SNX9: variants seen among roughly 807,000 people sequenced by gnomAD.
SNX9 encodes the protein sorting nexin 9, also known as sorting nexin-9.
A neutral mutation model predicts 89.4 loss-of-function variants in SNX9; 44 were observed. The ratio of observed to expected loss-of-function variants is 0.49; its 90% CI spans 0.39 to 0.63. SNX9 has a LOEUF of 0.63. SNX9 is among the 30% of genes least tolerant of loss of function. The probability of loss-of-function intolerance (pLI) is 0.00; values close to 1 mark genes in which losing one functional copy is unlikely to be tolerated. For missense variants in SNX9, 578 were observed against 736.1 expected (o/e 0.79, Z 2.49); for synonymous variants, 236 against 247.8 (o/e 0.95, Z 0.45).
At chr6:157,845,005 C>G (rs1781777550) in intron 1 of SNX9, among the ~76,000 whole-genome samples, 1 of 151,676 alleles carries the variant, frequency 6.6e-6, no homozygotes, top group Admixed American at 6.6e-5. Flanking sequence ...AAGATGGAGT[C>G]AATTAAGTTA....
At chr6:157,824,170 T>A (rs1304213028) in intron 1 of SNX9, among the ~76,000 whole-genome samples, 1 of 152,228 alleles carries the variant, frequency 6.6e-6, no homozygotes, top group Non-Finnish European at 1.5e-5. Context: ...GCTTCGTCAT[T>A]GGCTAGGAGC....
At chr6:157,887,730 T>G (rs1188152064) in intron 4 of SNX9, among the ~76,000 whole-genome samples, 1 of 152,222 alleles carries the variant, frequency 6.6e-6, no homozygotes, top group Non-Finnish European at 1.5e-5. Context: ...ATCTTTGTTG[T>G]CTGCTTTGCG....
intron 1 of SNX9, among the ~76,000 whole-genome samples, chr6:157,853,847 C>T (rs1781958831): frequency 2.6e-5 from 4 of 151,776 alleles, no homozygotes; most frequent in Admixed American, 1.3e-4. Flanking sequence ...CCATATGTGC[C>T]GGTCCCTATT....
At chr6:157,847,149 C>G (rs1305237353) in intron 1 of SNX9, among the ~76,000 whole-genome samples, 1 of 152,188 alleles carries the variant, frequency 6.6e-6, no homozygotes, top group Non-Finnish European at 1.5e-5. Flanking sequence ...GTCTCCCAAG[C>G]TAGAATGCAG....
chr6:157,920,605 C>T (rs574151358), intron 9 of SNX9, among the ~76,000 whole-genome samples: 6 of 152,312 alleles, frequency 3.9e-5, no homozygotes, highest in African/African-American at 1.4e-4. Context: ...AAACACTTCT[C>T]AGGTGGCCAT....
intron 9 of SNX9, among the ~76,000 whole-genome samples, chr6:157,918,011 T>C (rs1394515507): frequency 1.3e-5 from 2 of 152,272 alleles, no homozygotes; most frequent in Non-Finnish European, 2.9e-5. Flanking sequence ...CTTACATTTA[T>C]TGAGACTTAT....
intron 9 of SNX9, among the ~76,000 whole-genome samples, chr6:157,920,818 T>C (rs1783567974): frequency 6.6e-6 from 1 of 152,250 alleles, no homozygotes; most frequent in African/African-American, 2.4e-5. Flanking sequence ...TTTGTTATGC[T>C]ATTCTTGTCA....
intron 16 of SNX9, among the ~76,000 whole-genome samples, chr6:157,939,658 A>G (rs1783995343): frequency 6.6e-6 from 1 of 152,158 alleles, no homozygotes; most frequent in Non-Finnish European, 1.5e-5. Flanking sequence ...AGGATGAGGG[A>G]GGTGTCCAGA....
intron 4 of SNX9, among the ~76,000 whole-genome samples, chr6:157,893,642 CAAAT>C (rs955012841): frequency 7.4e-5 from 11 of 149,474 alleles, no homozygotes; most frequent in African/African-American, 1.7e-4. Context: ...GTATAAGACT[CAAAT>C]AAAGGGGAAG....
At chr6:157,865,730 C>CT (rs1236099815) in intron 1 of SNX9, among the ~76,000 whole-genome samples, 2 of 152,058 alleles carry the variant, frequency 1.3e-5, no homozygotes, top group Non-Finnish European at 2.9e-5. Flanking sequence ...AGCATTTTGG[C>CT]TTTTTTTTCT....
chr6:157,919,894 T>C (rs1384437628), intron 9 of SNX9, among the ~76,000 whole-genome samples: 17 of 144,512 alleles, frequency 1.2e-4, no homozygotes, highest in Non-Finnish European at 3.1e-5. Flanking sequence ...TTTTATTTGT[T>C]AAGTAACTTG....
At chr6:157,883,442 T>C (rs2115149760) in intron 4 of SNX9, among the ~76,000 whole-genome samples, 1 of 152,184 alleles carries the variant, frequency 6.6e-6, no homozygotes, top group East Asian at 1.9e-4. Context: ...TTGCTACATG[T>C]CAGCAGGGCT....
intron 4 of SNX9, among the ~76,000 whole-genome samples, chr6:157,884,650 A>G (rs1782695490): frequency 1.3e-5 from 2 of 152,120 alleles, no homozygotes; most frequent in South Asian, 4.1e-4. Context: ...AAGGAAGATC[A>G]TATACCAGTG....
At chr6:157,837,059 G>C (rs908235991) in intron 1 of SNX9, among the ~76,000 whole-genome samples, 2 of 152,206 alleles carry the variant, frequency 1.3e-5, no homozygotes, top group African/African-American at 4.8e-5. Context: ...GGCTGCACTA[G>C]CATGCCGTGT....
intron 13 of SNX9, among the ~76,000 whole-genome samples, chr6:157,935,020 T>C (rs1322733557): frequency 6.6e-6 from 1 of 152,222 alleles, no homozygotes; most frequent in African/African-American, 2.4e-5. Flanking sequence ...GAATGAAGCA[T>C]ATCAAATATT....
At chr6:157,866,852 T>C (rs780232835) in intron 1 of SNX9, among the ~76,000 whole-genome samples, 3 of 152,190 alleles carry the variant, frequency 2.0e-5, no homozygotes, top group Non-Finnish European at 4.4e-5. Context: ...TTTCTGAGAG[T>C]CAGTGTTCCC....
Position 157,936,057 on chromosome 6 carries a change from A to G in SNX9, c.1443+17A>G, listed in dbSNP as rs115655934. The G allele has an allele frequency of 1.3e-3, 2,107 of 1,596,460 alleles. 29 individuals carry two copies. In the African/African-American group the frequency reaches 0.024, roughly 18 times the overall value. ...GCAGAACAGGTACTAACATAATCAC[A>G]CAATTCCAATTAAGATTTGTTGCTA... On this transcript the variant is annotated intron_variant, in intron 14 of 17. Transcript: ENST00000392185.
chr6:157,895,711 A>T (rs1782964149), intron 4 of SNX9, among the ~76,000 whole-genome samples: 1 of 152,146 alleles, frequency 6.6e-6, no homozygotes, highest in African/African-American at 2.4e-5. Context: ...TGTCCATGGG[A>T]TGTTTGAGTA....
intron 3 of SNX9, chr6:157,874,022 C>G (rs535096411): frequency 7.2e-5 from 11 of 152,226 alleles, no homozygotes; most frequent in Non-Finnish European, 1.6e-4. Flanking sequence ...TTTCCTGATG[C>G]CCTGTGAGTA....
Sources: allele counts gnomAD v4.1 joint callset (sites outside exome capture counted in the v4.1 genomes callset), GRCh38; gene constraint gnomAD v4.1.1; transcripts MANE v1.5; gene names NCBI Gene and HGNC (gene_info 2026-07-23, HGNC 2026-07-21).